The following RORB variants were observed in gnomAD, a reference collection of about 807,000 sequenced individuals.
RORB encodes RAR related orphan receptor B.
RORB carries 6 observed loss-of-function variants against 59.1 expected under a neutral mutation model. The ratio of observed to expected loss-of-function variants is 0.10; its 90% confidence interval spans 0.06 to 0.20. The LOEUF is 0.20. Among genes scored for constraint, RORB ranks in the 10% least tolerant of loss-of-function variants. The pLI, the probability that RORB is intolerant of heterozygous loss-of-function variation, is 1.00. For missense variants in RORB, 320 were observed against 560.5 expected (o/e 0.57, Z 4.33); for synonymous variants, 215 against 204.5 (o/e 1.05, Z -0.44).
At chr9:74,561,957 G>T (rs550540703) in intron 1 of RORB, among the ~76,000 whole-genome samples, 5 of 151,996 alleles carry the variant, frequency 3.3e-5, no homozygotes, top group Non-Finnish European at 7.4e-5. Context: ...ACTCAATTTG[G>T]GTTTGTCTGA....
At chr9:74,639,655 C>T (rs1024405414) in intron 3 of RORB, among the ~76,000 whole-genome samples, 1 of 152,062 alleles carries the variant, frequency 6.6e-6, no homozygotes, top group African/African-American at 2.4e-5. Context: ...CTAGCTAAAA[C>T]AAAAATCTTG....
intron 1 of RORB, among the ~76,000 whole-genome samples, chr9:74,565,365 G>C (rs1463345245): frequency 1.3e-5 from 2 of 152,096 alleles, no homozygotes; most frequent in Non-Finnish European, 2.9e-5. Context: ...TAGTAACTTT[G>C]AGTAGGAGAA....
intron 1 of RORB, among the ~76,000 whole-genome samples, chr9:74,546,066 A>T (rs1826483782): frequency 6.6e-6 from 1 of 152,246 alleles, no homozygotes. Flanking sequence ...GAATATAAAG[A>T]CATGGCAGAA....
intron 1 of RORB, among the ~76,000 whole-genome samples, chr9:74,539,506 T>C (rs1826371738): frequency 6.6e-6 from 1 of 152,164 alleles, no homozygotes; most frequent in Non-Finnish European, 1.5e-5. Flanking sequence ...ATAACTTTCA[T>C]ACATATTTAT....
chr9:74,651,078 G>A (rs1275232534), intron 4 of RORB, among the ~76,000 whole-genome samples: 17 of 152,148 alleles, frequency 1.1e-4, no homozygotes. Context: ...GCGTGTGGAG[G>A]TGCAGTTTTT....
intron 1 of RORB, among the ~76,000 whole-genome samples, chr9:74,566,165 T>C (rs1822465317): frequency 6.6e-6 from 1 of 152,154 alleles, no homozygotes; most frequent in African/African-American, 2.4e-5. Context: ...GAGGAAATGA[T>C]AAAATCCAAG....
intron 1 of RORB, among the ~76,000 whole-genome samples, chr9:74,570,897 A>G (rs1310717937): frequency 6.6e-6 from 1 of 151,858 alleles, no homozygotes; most frequent in African/African-American, 2.4e-5. Flanking sequence ...TTTTATTATT[A>G]ATATTTTTTA....
At chr9:74,568,316 T>C (rs1292821581) in intron 1 of RORB, among the ~76,000 whole-genome samples, 2 of 152,008 alleles carry the variant, frequency 1.3e-5, no homozygotes, top group East Asian at 3.9e-4. Context: ...TTTTAGGTCA[T>C]TATATAAGGG....
At chr9:74,620,618 G>C (rs1219259770) in intron 1 of RORB, among the ~76,000 whole-genome samples, 2 of 152,048 alleles carry the variant, frequency 1.3e-5, no homozygotes, top group African/African-American at 4.8e-5. Flanking sequence ...TGCTTCTCTA[G>C]TTCTTTTAAT....
intron 1 of RORB, among the ~76,000 whole-genome samples, chr9:74,607,898 T>C (rs985642156): frequency 1.3e-5 from 2 of 152,124 alleles, no homozygotes; most frequent in African/African-American, 4.8e-5. Context: ...TTTAGCAAGG[T>C]TTCTAGGCAT....
intron 9 of RORB, among the ~76,000 whole-genome samples, chr9:74,683,217 G>A (rs1459324153): frequency 6.6e-6 from 1 of 152,194 alleles, no homozygotes. Context: ...AAGCCACTCT[G>A]CATTCAACAG....
At chr9:74,635,468 A>G (rs1299827129) in intron 3 of RORB, among the ~76,000 whole-genome samples, 2 of 152,302 alleles carry the variant, frequency 1.3e-5, no homozygotes, top group Non-Finnish European at 2.9e-5. Flanking sequence ...AACAAGATGA[A>G]CGAAGAATTT....
At chr9:74,555,853 A>G (rs1822279103) in intron 1 of RORB, among the ~76,000 whole-genome samples, 1 of 152,202 alleles carries the variant, frequency 6.6e-6, no homozygotes, top group Non-Finnish European at 1.5e-5. Flanking sequence ...ATAAGAAGGT[A>G]TTAGCATCTG....
At chr9:74,582,815 A>G (rs577840623) in intron 1 of RORB, among the ~76,000 whole-genome samples, 1 of 152,308 alleles carries the variant, frequency 6.6e-6, no homozygotes, top group South Asian at 2.1e-4. Context: ...GCAACTTCCT[A>G]AAGATCCTGT....
At chr9:74,587,097 A>C (rs1822814267) in intron 1 of RORB, among the ~76,000 whole-genome samples, 1 of 152,216 alleles carries the variant, frequency 6.6e-6, no homozygotes, top group African/African-American at 2.4e-5. Context: ...TAATACTATG[A>C]ATGATATAAA....
intron 1 of RORB, among the ~76,000 whole-genome samples, chr9:74,515,814 G>A (rs1826001703): frequency 6.6e-6 from 1 of 152,052 alleles, no homozygotes; most frequent in African/African-American, 2.4e-5. Context: ...CAATATCCCA[G>A]TGACTAGGAA....
At chr9:74,605,408 T>C (rs1313616677) in intron 1 of RORB, among the ~76,000 whole-genome samples, 3 of 152,170 alleles carry the variant, frequency 2.0e-5, no homozygotes, top group Non-Finnish European at 4.4e-5. Context: ...CAGGGGCCTT[T>C]TGGGGAATTT....
intron 6 of RORB, among the ~76,000 whole-genome samples, chr9:74,664,281 T>C (rs756036524): frequency 7.9e-5 from 12 of 152,214 alleles, no homozygotes; most frequent in Non-Finnish European, 1.5e-4. Flanking sequence ...CCAAATCTCC[T>C]GGAGGGGAAC....
intron 1 of RORB, among the ~76,000 whole-genome samples, chr9:74,512,845 A>T (rs1825960305): frequency 6.6e-6 from 1 of 152,144 alleles, no homozygotes; most frequent in African/African-American, 2.4e-5. Context: ...AGAAAGATTG[A>T]ACTCTCTCAC....
Sources: allele counts gnomAD v4.1 joint callset (sites outside exome capture counted in the v4.1 genomes callset), GRCh38; gene constraint gnomAD v4.1.1; transcripts MANE v1.5; gene names NCBI Gene and HGNC (gene_info 2026-07-23, HGNC 2026-07-21).